Variants in ALG6 observed in about 807,000 individuals in gnomAD.
The protein encoded by ALG6 is dolichyl pyrophosphate Man9GlcNAc2 alpha-1,3-glucosyltransferase.
ALG6 carries 46 observed loss-of-function variants against 66.6 expected under a neutral mutation model. That is an observed-to-expected ratio of 0.69 (90% CI 0.55 to 0.88). The LOEUF (loss-of-function observed/expected upper bound fraction) is 0.88. Ranked by LOEUF, ALG6 falls within the 40% of genes least tolerant of loss-of-function variation. ALG6 has a pLI of 0.00. For missense variants in ALG6, 505 were observed against 586.8 expected, an observed-to-expected ratio of 0.86 and a Z score of 1.44; for synonymous variants, 185 against 203.7, an observed-to-expected ratio of 0.91 and a Z score of 0.78.
In ALG6 at chr1:63,437,843, A is replaced by G. The variant is rs1644694806; in HGVS notation, c.*823A>G. On this transcript the variant is annotated 3_prime_UTR_variant, in exon 15 of 15. Coordinates refer to ENST00000263440, the MANE Select transcript of ALG6 (RefSeq NM_013339.4). ...ATATATATTATTATTGACATGGTTC[A>G]GGGTTACCACTGCCAGAGCATTGAT... The G allele has an allele frequency of 6.6e-6, 1 of 151,934 alleles. No homozygotes were observed. The highest frequency in any genetic ancestry group is 1.5e-5 in the Non-Finnish European group (1 of 67,980). 9.4% of individuals were successfully genotyped at this position (151,934 alleles called of 1,614,324 possible).
intron 3 of ALG6, among the ~76,000 whole-genome samples, chr1:63,400,193 T>TA (rs1644440253): frequency 2.8e-5 from 1 of 35,650 alleles, no homozygotes; most frequent in Non-Finnish European, 4.3e-5. Flanking sequence ...AAACTCTGTC[T>TA]CAAAAAAAAA....
chr1:63,413,338 AT>A (rs1383782065), intron 9 of ALG6, among the ~76,000 whole-genome samples: 6 of 152,204 alleles, frequency 3.9e-5, no homozygotes, highest in African/African-American at 1.4e-4. Flanking sequence ...ATTTATCATG[AT>A]AATTATAAAA....
intron 12 of ALG6, among the ~76,000 whole-genome samples, chr1:63,421,424 A>G (rs984688119): frequency 6.6e-6 from 1 of 152,202 alleles, no homozygotes; most frequent in Admixed American, 6.6e-5. Context: ...TGATGCCTCA[A>G]GGATCTAGAA....
In ALG6 at chr1:63,437,922, A is replaced by C. The variant is rs1644695120; in HGVS notation, c.*902A>C. On this transcript the variant is annotated 3_prime_UTR_variant, in exon 15 of 15. Coordinates refer to ENST00000263440, the MANE Select transcript of ALG6 (RefSeq NM_013339.4). ...TATCACCCTGTATTAGCAGAAGCCA[A>C]TATTTATTATAGTATTCAACTGGTA... is the stretch of plus-strand genomic sequence containing the variant. The C allele has an allele frequency of 6.6e-6, 1 of 152,100 alleles. No homozygotes were observed. Among genetic ancestry groups the C allele is most frequent in the Non-Finnish European group, 1.5e-5 (1 of 68,010 alleles). 9.4% of individuals were successfully genotyped at this position (152,100 alleles called of 1,614,324 possible). A position where few individuals can be genotyped will look rare whatever the true frequency, so the allele number is the denominator to read the frequency against.
intron 9 of ALG6, 133 bp downstream of exon 9, chr1:63,412,194 CTTGA>C: frequency 7.3e-7 from 1 of 1,370,082 alleles, no homozygotes. Flanking sequence ...CCAGTTATTG[CTTGA>C]TTGATTAATT....
chr1:63,369,693 A>G (rs1254982861), intron 1 of ALG6, among the ~76,000 whole-genome samples: 14 of 152,148 alleles, frequency 9.2e-5, no homozygotes, highest in African/African-American at 2.9e-4. Context: ...GAATGTACCA[A>G]TTTTGCCCTA....
chr1:63,412,176 A>T, intron 9 of ALG6, 115 bp downstream of exon 9: 1 of 1,464,896 alleles, frequency 6.8e-7, no homozygotes, highest in Non-Finnish European at 9.5e-7. Flanking sequence ...TCCTGTAATC[A>T]TTCCTTGCCA....
chr1:63,427,891 C>T (rs941317638), intron 12 of ALG6, among the ~76,000 whole-genome samples: 26 of 151,202 alleles, frequency 1.7e-4, no homozygotes, highest in African/African-American at 6.3e-4. Flanking sequence ...ACTGCAACCT[C>T]CTCCTCCCGG....
chr1:63,414,746 C>T (rs1460100788), intron 10 of ALG6, among the ~76,000 whole-genome samples: 1 of 152,016 alleles, frequency 6.6e-6, no homozygotes, highest in Non-Finnish European at 1.5e-5. Flanking sequence ...AGGATCAATC[C>T]AAGAAGTAGG....
intron 14 of ALG6, among the ~76,000 whole-genome samples, chr1:63,431,294 A>T (rs1483852933): frequency 1.3e-5 from 2 of 152,268 alleles, no homozygotes; most frequent in East Asian, 3.9e-4. Context: ...CTTTTACAAG[A>T]TTGTTTTATC....
intron 4 of ALG6, 34 bp from the exon 5 acceptor site, chr1:63,404,419 A>G (rs1052410577): frequency 1.7e-5 from 26 of 1,493,882 alleles, no homozygotes; most frequent in Middle Eastern, 1.7e-4. Flanking sequence ...AGGGATGAGG[A>G]ATGAAGTATC....
intron 2 of ALG6, 100 bp from the exon 3 acceptor site, chr1:63,396,413 C>T (rs1553154710): frequency 2.0e-6 from 2 of 1,005,710 alleles, no homozygotes; most frequent in Non-Finnish European, 1.6e-6. Context: ...TTTCTGTAAC[C>T]TACACTGCCT....
intron 12 of ALG6, among the ~76,000 whole-genome samples, chr1:63,427,016 C>A (rs920858198): frequency 2.0e-5 from 3 of 152,024 alleles, no homozygotes; most frequent in Non-Finnish European, 2.9e-5. Flanking sequence ...TAATTTCTTT[C>A]TTTGAGATGG....
chr1:63,378,387 A>G (rs1294874860), intron 2 of ALG6, among the ~76,000 whole-genome samples: 1 of 152,178 alleles, frequency 6.6e-6, no homozygotes, highest in Non-Finnish European at 1.5e-5. Flanking sequence ...CAGTTTCACT[A>G]TGATATATCT....
At chr1:63,421,029 T>C (rs1644570287) in intron 12 of ALG6, among the ~76,000 whole-genome samples, 2 of 151,916 alleles carry the variant, frequency 1.3e-5, no homozygotes, top group Admixed American at 1.3e-4. Flanking sequence ...CCTTCTTAGC[T>C]ATCATTCTTA....
intron 3 of ALG6, among the ~76,000 whole-genome samples, chr1:63,397,563 A>G (rs552628154): frequency 1.6e-5 from 1 of 62,324 alleles, no homozygotes; most frequent in East Asian, 7.6e-4. Context: ...TCTACCCTTC[A>G]TTGTTATATG....
intron 3 of ALG6, among the ~76,000 whole-genome samples, chr1:63,397,020 G>A (rs1439372025): frequency 1.3e-5 from 2 of 152,040 alleles, no homozygotes; most frequent in East Asian, 1.9e-4. Flanking sequence ...GATCTGAAAA[G>A]GGGACCAAAG....
At chr1:63,427,735 G>A (rs1167751359) in intron 12 of ALG6, among the ~76,000 whole-genome samples, 1 of 151,446 alleles carries the variant, frequency 6.6e-6, no homozygotes, top group African/African-American at 2.4e-5. Flanking sequence ...AGGTACTGGA[G>A]CAGGAGTTGT....
intron 14 of ALG6, among the ~76,000 whole-genome samples, chr1:63,430,110 T>G (rs1042165023): frequency 9.2e-5 from 14 of 152,150 alleles, no homozygotes; most frequent in African/African-American, 3.4e-4. Context: ...CTTGAACTCC[T>G]GACCTCATGA....
Sources: allele counts gnomAD v4.1 joint callset (sites outside exome capture counted in the v4.1 genomes callset), GRCh38; gene constraint gnomAD v4.1.1; transcripts MANE v1.5; gene names NCBI Gene and HGNC (gene_info 2026-07-23, HGNC 2026-07-21).